NAPA: variants seen among roughly 807,000 people sequenced by gnomAD.
NAPA encodes the protein alpha-soluble NSF attachment protein.
In NAPA, 18 loss-of-function variants were observed where a neutral mutation model predicts 48.0. That is an observed-to-expected ratio of 0.38 (90% CI 0.26 to 0.56). The LOEUF (loss-of-function observed/expected upper bound fraction) is 0.56, where lower values mean the gene tolerates loss of function less well. NAPA is among the 20% of genes least tolerant of loss of function. NAPA has a pLI of 0.77. For synonymous variants in NAPA, 152 were observed against 149.9 expected (o/e 1.01, Z -0.10); for missense variants, 315 against 385.0 (o/e 0.82, Z 1.52).
At chr19:47,489,812 T>C (rs373185053) in intron 9 of NAPA, 51 bp from the exon 10 acceptor site, 2 of 1,599,726 alleles carry the variant, frequency 1.3e-6, no homozygotes, top group Non-Finnish European at 1.7e-6. Flanking sequence ...ACCTGAGGTC[T>C]GGCCTGGATT....
chr19:47,491,789 CTAAG>C (rs1331158215), intron 8 of NAPA, among the ~76,000 whole-genome samples: 10 of 152,190 alleles, frequency 6.6e-5, no homozygotes, highest in Non-Finnish European at 1.5e-4. Context: ...GGAAAGAGCA[CTAAG>C]TGAGGCAGGA....
At chr19:47,500,471 G>C (rs1333391757) in intron 3 of NAPA, among the ~76,000 whole-genome samples, 162 bp downstream of exon 3, 2 of 152,218 alleles carry the variant, frequency 1.3e-5, no homozygotes, top group Non-Finnish European at 2.9e-5. Flanking sequence ...AAGAGAGCCA[G>C]TTCTAAAGTC....
Position 47,503,476 on chromosome 19 carries a change from C to T in NAPA, c.125G>A (p.Cys42Tyr), listed in dbSNP as rs1968627012. 1 of 1,614,078 alleles carries T rather than the reference C, an allele frequency of 6.2e-7. No homozygotes were observed. The highest frequency in any genetic ancestry group is 8.5e-7 in the Non-Finnish European group (1 of 1,180,026). ...FGGSSKIEEA[C>Y]EIYARAANMF... The stretch of plus-strand genomic sequence containing the variant: ...GTTTGCTGCTCTGGCGTAGATTTCG[C>T]ATGCTTCCTCTATTTTGGATGAGCC... Residue 42 changes from cysteine (C) to tyrosine (Y), a missense_variant, in exon 2 of 11, where the codon TGC (cysteine) becomes TAC (tyrosine). Physicochemically the swap from Cys to Tyr is radical, Grantham distance 194 (BLOSUM62 -2). Around this residue, in one of 3 missense-constraint regions of NAPA, gnomAD observed 173 missense variants for 213.5 expected, o/e 0.81. Transcript: ENST00000263354.
chr19:47,488,261 G>A lies in NAPA; in HGVS notation c.*27C>T, dbSNP rs776867690. 33 of 1,587,436 alleles carry A rather than the reference G, an allele frequency of 2.1e-5. No homozygotes were observed. The highest frequency in any genetic ancestry group is 1.6e-4 in the African/African-American group (12 of 74,512). On this transcript the variant is annotated 3_prime_UTR_variant, in exon 11 of 11. Coordinates refer to ENST00000263354, the MANE Select transcript of NAPA (RefSeq NM_003827.4). ...TCTCTCTGAGCAGATGGGACAGGAA[G>A]ACGGGCACTGGGGGGCTGGGTGGGG...
Position 47,500,731 on chromosome 19 carries a change from C to A in NAPA, c.197G>T (p.Cys66Phe). 5 of 1,606,366 alleles carry A rather than the reference C, an allele frequency of 3.1e-6. No homozygotes were observed. Among genetic ancestry groups the A allele is most frequent in the Admixed American group, 1.7e-5 (1 of 58,698 alleles). ...CTGCAGGTGCAGCTGTGCAGCCTGG[C>A]AGAACGCGTTTCCAGCAGCTGGAAC... ...KNWSAAGNAF[C>F]QAAQLHLQLQ... Residue 66 changes from cysteine (C) to phenylalanine (F), a missense_variant, in exon 3 of 11, where the codon TGC becomes TTC. Transcript: ENST00000263354.
Position 47,498,420 on chromosome 19 carries a change from C to T in NAPA, c.295+2213G>A, listed in dbSNP as rs530713820. ...TGGAAGTTTATCACACACCAGGTGCCGCGCTGGGCATGACTGCATCATCTC... is the reference window on the plus strand; with the variant it reads ...TGGAAGTTTATCACACACCAGGTGCTGCGCTGGGCATGACTGCATCATCTC... On this transcript the variant is annotated intron_variant, in intron 3 of 10. Transcript: ENST00000263354. Among the ~76,000 whole-genome samples, 18 of 152,308 alleles carry T rather than the reference C, an allele frequency of 1.2e-4. No individual in the cohort carries two copies. The South Asian group carries it at 2.3e-3, about 19-fold the overall frequency.
chr19:47,514,608 C>T (rs1486998491), intron 1 of NAPA, among the ~76,000 whole-genome samples: 1 of 152,184 alleles, frequency 6.6e-6, no homozygotes, highest in Non-Finnish European at 1.5e-5. Context: ...CGTGTGTCCT[C>T]AGCCCAAATC....
At chr19:47,509,667 T>C (rs1185723306) in intron 1 of NAPA, among the ~76,000 whole-genome samples, 2 of 152,212 alleles carry the variant, frequency 1.3e-5, no homozygotes, top group African/African-American at 4.8e-5. Context: ...ATTAGCTAAG[T>C]AATGCTCCTC....
intron 1 of NAPA, among the ~76,000 whole-genome samples, chr19:47,509,522 T>C (rs1968765272): frequency 6.6e-6 from 1 of 152,092 alleles, no homozygotes; most frequent in African/African-American, 2.4e-5. Context: ...CCCCACGGCG[T>C]GCCCAGCAGA....
At chr19:47,513,507 G>A (rs1482761764) in intron 1 of NAPA, among the ~76,000 whole-genome samples, 1 of 152,202 alleles carries the variant, frequency 6.6e-6, no homozygotes, top group Non-Finnish European at 1.5e-5. Flanking sequence ...TGAAGTAAGT[G>A]GCAGAGCTAC....
At chr19:47,498,378 G>A (rs990207144) in intron 3 of NAPA, among the ~76,000 whole-genome samples, 2 of 152,210 alleles carry the variant, frequency 1.3e-5, no homozygotes, top group Non-Finnish European at 2.9e-5. Context: ...ACTGATGAAA[G>A]CCAAGGGTGT....
chr19:47,504,389 C>T (rs1389201600), intron 1 of NAPA, among the ~76,000 whole-genome samples: 1 of 103,496 alleles, frequency 9.7e-6, no homozygotes, highest in South Asian at 3.7e-4. Flanking sequence ...CAGAGCCAGA[C>T]CTTGTCTCAA....
At position 47,490,796 on chromosome 19, in the gene NAPA, A is replaced by G. The variant is rs199800741; in HGVS notation, c.727T>C (p.Leu243=). 4.2e-5 allele frequency: 68 copies of G among 1,613,604 alleles called. No individual in the cohort carries two copies. Among genetic ancestry groups the G allele is most frequent in the Admixed American group, 1.0e-4 (6 of 59,980 alleles). ...PAFSDSRECK[L]MKKLLEAHEE... is the part of the protein sequence containing the mutation. The stretch of plus-strand genomic sequence containing the variant: ...GAGCACCCAGCACTTACTTTCATCA[A>G]CTTGCATTCCCGGGAATCAGAGAAA... The change falls in exon 9 of 11, where the codon TTG becomes CTG. Residue 243 remains leucine (L), a synonymous_variant. Transcript: ENST00000263354.
chr19:47,500,258 GC>G (rs1968539117), intron 3 of NAPA, among the ~76,000 whole-genome samples: 1 of 152,028 alleles, frequency 6.6e-6, no homozygotes, highest in African/African-American at 2.4e-5. Flanking sequence ...AATCCTCCCC[GC>G]CCCCCACACC....
chr19:47,510,664 A>C (rs1968788608), intron 1 of NAPA, among the ~76,000 whole-genome samples: 1 of 152,192 alleles, frequency 6.6e-6, no homozygotes. Flanking sequence ...GGATGAGGAA[A>C]AGCCCCAGGG....
At chr19:47,490,151 CGGTGTGTGTGTGGGGTGTGTGT>C (rs1397902316) in intron 9 of NAPA, among the ~76,000 whole-genome samples, 3 of 119,900 alleles carry the variant, frequency 2.5e-5, no homozygotes, top group Non-Finnish European at 5.2e-5. Context: ...GTGGTGTGTT[CGGTGTGTGTGTGGGGTGTGTGT>C]GGTGTGTGTA....
intron 1 of NAPA, 73 bp from the exon 2 acceptor site, chr19:47,503,575 G>T: frequency 6.9e-7 from 1 of 1,440,280 alleles, no homozygotes; most frequent in Non-Finnish European, 9.7e-7. Context: ...TTCTGCTCCA[G>T]TGCCGGGCAC....
Position 47,514,799 on chromosome 19 carries a change from C to T in NAPA, c.98+44G>A, listed in dbSNP as rs373078776. 196 of 1,580,704 alleles carry T rather than the reference C, an allele frequency of 1.2e-4. No homozygotes were observed. In the African/African-American group the frequency reaches 2.2e-3, roughly 18 times the overall value. Reference sequence around the variant, plus strand: ...CCACCTCCGAGCGTGACTCCTTCGTCCTCTCAGCCTAGGTCCCGGCCGACC... The same window carrying T: ...CCACCTCCGAGCGTGACTCCTTCGTTCTCTCAGCCTAGGTCCCGGCCGACC... On this transcript the variant is annotated intron_variant, in intron 1 of 10. Coordinates refer to ENST00000263354, the MANE Select transcript of NAPA (RefSeq NM_003827.4).
chr19:47,514,310 C>T (rs1257161504), intron 1 of NAPA, among the ~76,000 whole-genome samples: 1 of 152,104 alleles, frequency 6.6e-6, no homozygotes, highest in Non-Finnish European at 1.5e-5. Context: ...CCCTCACCGC[C>T]CAGGGCCCAC....
Sources: gnomAD v4.1 joint callset for allele counts (sites outside exome capture counted in the v4.1 genomes callset) on GRCh38, gnomAD v4.1.1 for gene constraint, gnomAD v4.1.1 regional missense constraint, MANE v1.5 for transcripts, NCBI Gene and HGNC (gene_info 2026-07-23, HGNC 2026-07-21) for gene names.